Variants in PHACTR3 observed in about 807,000 individuals in gnomAD.
PHACTR3 encodes protein phosphatase 1, regulatory subunit 123.
A neutral mutation model predicts 66.8 loss-of-function variants in PHACTR3; 16 were observed. The observed-to-expected ratio is 0.24, with a 90% CI of 0.16 to 0.36. The LOEUF is 0.36. Ranked by LOEUF, PHACTR3 falls within the 10% of genes least tolerant of loss-of-function variation. The probability of loss-of-function intolerance (pLI) is 1.00; values close to 1 mark genes in which losing one functional copy is unlikely to be tolerated. For synonymous variants in PHACTR3, 323 were observed against 292.1 expected (o/e 1.11, Z -1.08); for missense variants, 647 against 719.9 (o/e 0.90, Z 1.16).
intron 1 of PHACTR3, among the ~76,000 whole-genome samples, chr20:59,670,615 G>GGGGC (rs1407617224): frequency 7.7e-6 from 1 of 129,042 alleles, no homozygotes; most frequent in East Asian, 2.7e-4. Flanking sequence ...TGGGGGGGGG[G>GGGGC]GGCAGGCACT....
intron 8 of PHACTR3, among the ~76,000 whole-genome samples, chr20:59,832,873 A>C (rs2042425306): frequency 6.6e-6 from 1 of 152,168 alleles, no homozygotes; most frequent in African/African-American, 2.4e-5. Flanking sequence ...TCATGTGCAG[A>C]TTAGAGCCTA....
At chr20:59,650,742 A>C (rs1277961653) in intron 1 of PHACTR3, among the ~76,000 whole-genome samples, 11 of 142,210 alleles carry the variant, frequency 7.7e-5, no homozygotes, top group Admixed American at 1.4e-4. Context: ...GTTGATAGCA[A>C]AAAAAAAAAA....
At chr20:59,724,374 A>G (rs758588302) in intron 1 of PHACTR3, among the ~76,000 whole-genome samples, 6 of 152,160 alleles carry the variant, frequency 3.9e-5, no homozygotes, top group Non-Finnish European at 5.9e-5. Flanking sequence ...GTGATCAAAG[A>G]ACTTCCAATA....
chr20:59,749,464 A>G (rs1276266144), intron 3 of PHACTR3, among the ~76,000 whole-genome samples: 1 of 152,224 alleles, frequency 6.6e-6, no homozygotes, highest in Non-Finnish European at 1.5e-5. Context: ...AAGTCATAGC[A>G]GAGGCTGGAG....
intron 1 of PHACTR3, among the ~76,000 whole-genome samples, chr20:59,704,562 C>CTTTTTT: frequency 1.1e-5 from 1 of 89,472 alleles, no homozygotes; most frequent in Non-Finnish European, 2.2e-5. Flanking sequence ...TGAGAATAGT[C>CTTTTTT]TTTTTTTTTT....
rs975451351 is a variant in PHACTR3, at chr20:59,786,014, G to A, written c.1174+11524G>A. Among the ~76,000 whole-genome samples, 13 of 152,348 alleles carry A rather than the reference G, an allele frequency of 8.5e-5. No individual in the cohort carries two copies. In the South Asian group the frequency reaches 1.2e-3, roughly 15 times the overall value. ...AGTGAACTGCCACTGAGTCTGAGTC[G>A]TAAACACTGTTTGGATTCAGAGGTC... is the stretch of plus-strand genomic sequence containing the variant. On this transcript the variant is annotated intron_variant, in intron 7 of 12. Coordinates refer to ENST00000371015, the MANE Select transcript of PHACTR3 (RefSeq NM_080672.5).
intron 1 of PHACTR3, among the ~76,000 whole-genome samples, chr20:59,677,212 C>T (rs2036478781): frequency 6.6e-6 from 1 of 152,078 alleles, no homozygotes; most frequent in Admixed American, 6.6e-5. Context: ...ATTCTTAAGC[C>T]AGGTTTTATA....
At chr20:59,774,977 C>T (rs185197844) in intron 7 of PHACTR3, among the ~76,000 whole-genome samples, 16 of 152,132 alleles carry the variant, frequency 1.1e-4, no homozygotes, top group African/African-American at 3.9e-4. Flanking sequence ...CTCAAATGGC[C>T]GTCTCAGAAG....
intron 7 of PHACTR3, 120 bp from the exon 8 acceptor site, chr20:59,805,921 A>G (rs1409653226): frequency 1.8e-6 from 2 of 1,092,548 alleles, no homozygotes; most frequent in African/African-American, 3.2e-5. Flanking sequence ...TCTAGCCACC[A>G]TCACCCTGGT....
At position 59,695,459 on chromosome 20, in the gene PHACTR3, C is replaced by T. The variant is rs144507166; in HGVS notation, c.119-47648C>T. Among the ~76,000 whole-genome samples, 434 of 152,320 alleles carry T rather than the reference C, an allele frequency of 2.8e-3. 1 individual carries two copies. The highest frequency in any genetic ancestry group is 1.0e-2 in the African/African-American group (414 of 41,570). ...ATAAGTTTCCTGAGGTCTCTACAGT[C>T]GTGCTTCCTGTACAGCCTGTGGAAC... On this transcript the variant is annotated intron_variant, in intron 1 of 12. Coordinates refer to ENST00000371015, the MANE Select transcript of PHACTR3 (RefSeq NM_080672.5).
At chr20:59,644,804 A>C (rs2035227395) in intron 1 of PHACTR3, among the ~76,000 whole-genome samples, 1 of 149,392 alleles carries the variant, frequency 6.7e-6, no homozygotes, top group South Asian at 2.1e-4. Flanking sequence ...TCACATCCCT[A>C]CCTCATCGCT....
intron 1 of PHACTR3, chr20:59,577,726 CG>C: frequency 1.3e-6 from 1 of 783,440 alleles, no homozygotes; most frequent in Middle Eastern, 5.2e-4. Flanking sequence ...TTGGCCGTTG[CG>C]GGTGGCCGGG....
intron 1 of PHACTR3, among the ~76,000 whole-genome samples, chr20:59,615,359 C>T (rs1450927899): frequency 6.6e-6 from 1 of 152,162 alleles, no homozygotes; most frequent in South Asian, 2.1e-4. Flanking sequence ...TTTGCTGACG[C>T]ATTAAGCACT....
chr20:59,719,323 C>A (rs1401845590), intron 1 of PHACTR3, among the ~76,000 whole-genome samples: 1 of 152,100 alleles, frequency 6.6e-6, no homozygotes, highest in East Asian at 1.9e-4. Flanking sequence ...TGCCACCACA[C>A]CCGGCTAATT....
intron 1 of PHACTR3, among the ~76,000 whole-genome samples, chr20:59,654,212 A>T (rs966551915): frequency 6.6e-6 from 1 of 152,224 alleles, no homozygotes; most frequent in African/African-American, 2.4e-5. Context: ...CTATTCTGAA[A>T]GTTGCTAAAA....
chr20:59,812,661 G>A (rs1309395549), intron 8 of PHACTR3, among the ~76,000 whole-genome samples: 1 of 152,244 alleles, frequency 6.6e-6, no homozygotes, highest in Non-Finnish European at 1.5e-5. Context: ...TCTGCTGTGA[G>A]CTTTTACCTG....
Position 59,661,668 on chromosome 20 carries a change from C to T in PHACTR3, c.118+56536C>T, listed in dbSNP as rs530813672. Among the ~76,000 whole-genome samples, 3 of 152,176 alleles carry T rather than the reference C, an allele frequency of 2.0e-5. No homozygotes were observed. The East Asian group carries it at 5.8e-4, about 30-fold the overall frequency. ...TTGTCCAACTTGGACTTCCACAGGG[C>T]TTCTTTCTGTGGCCAGAGATGCCAA... On this transcript the variant is annotated intron_variant, in intron 1 of 12. Transcript: ENST00000371015.
chr20:59,807,653 G>C (rs2041610886), intron 8 of PHACTR3, among the ~76,000 whole-genome samples: 1 of 152,142 alleles, frequency 6.6e-6, no homozygotes, highest in Non-Finnish European at 1.5e-5. Context: ...CAGCACAGTA[G>C]GTTTTTTCAC....
At chr20:59,730,096 T>C (rs1328212530) in intron 1 of PHACTR3, among the ~76,000 whole-genome samples, 15 of 152,148 alleles carry the variant, frequency 9.9e-5, no homozygotes, top group Admixed American at 9.8e-4. Flanking sequence ...CTGAGCTCTG[T>C]TTCAGGGCCT....
Sources: gnomAD v4.1 joint callset for allele counts (sites outside exome capture counted in the v4.1 genomes callset) on GRCh38, gnomAD v4.1.1 for gene constraint, MANE v1.5 for transcripts, NCBI Gene and HGNC (gene_info 2026-07-23, HGNC 2026-07-21) for gene names.